ASXL3: variants seen among roughly 807,000 people sequenced by gnomAD.
ASXL3 encodes ASXL transcriptional regulator 3, also known as putative Polycomb group protein ASXL3.
Under a neutral mutation model 170.6 loss-of-function variants are expected in ASXL3, and 34 were observed. The observed-to-expected ratio is 0.20, with a 90% CI of 0.15 to 0.27. The LOEUF (loss-of-function observed/expected upper bound fraction) is 0.27. ASXL3 is among the 10% of genes least tolerant of loss of function. The probability of loss-of-function intolerance (pLI) is 1.00; values close to 1 mark genes in which losing one functional copy is unlikely to be tolerated. For synonymous variants in ASXL3, 1,002 were observed against 989.1 expected, an observed-to-expected ratio of 1.01 and a Z score of -0.24; for missense variants, 2,592 against 2,695.3, an observed-to-expected ratio of 0.96 and a Z score of 0.85.
chr18:33,642,634 T>C (rs1271924832), intron 2 of ASXL3, among the ~76,000 whole-genome samples: 2 of 151,978 alleles, frequency 1.3e-5, no homozygotes, highest in Admixed American at 6.6e-5. Flanking sequence ...TTACATATTT[T>C]TAAATTTTTC....
At chr18:33,652,977 T>A (rs891798342) in intron 4 of ASXL3, among the ~76,000 whole-genome samples, 34 of 152,026 alleles carry the variant, frequency 2.2e-4, no homozygotes, top group African/African-American at 8.2e-4. Context: ...TGGGGAGTAG[T>A]CACACTGACA....
chr18:33,668,942 AT>A (rs1382869258), intron 5 of ASXL3, among the ~76,000 whole-genome samples: 22 of 151,248 alleles, frequency 1.5e-4, no homozygotes, highest in African/African-American at 5.1e-4. Context: ...AAAATGTCTA[AT>A]TTTTTTTTCC....
rs973920534 is a variant in ASXL3 at position 33,751,053 on chromosome 18, A to G, written c.*4458A>G. 6.6e-6 allele frequency: 1 copy of G among 152,184 alleles called. No individual in the cohort carries two copies. Among genetic ancestry groups the G allele is most frequent in the Non-Finnish European group, 1.5e-5 (1 of 68,020 alleles). The allele number at this position is 152,184 out of a possible 1,614,324, so 9.4% of individuals were successfully genotyped here. On this transcript the variant is annotated 3_prime_UTR_variant, in exon 12 of 12. Coordinates refer to ENST00000269197, the MANE Select transcript of ASXL3 (RefSeq NM_030632.3). Reference sequence around the variant, plus strand: ...ACAAAGAAAACAAGTGTTGCCTACAAAAGTGACTGCTCACAATACCATAAG... The same window carrying G: ...ACAAAGAAAACAAGTGTTGCCTACAGAAGTGACTGCTCACAATACCATAAG...
At chr18:33,609,894 A>G (rs547174548) in intron 2 of ASXL3, among the ~76,000 whole-genome samples, 7 of 152,054 alleles carry the variant, frequency 4.6e-5, no homozygotes, top group African/African-American at 1.2e-4. Context: ...TTGTGCTCCC[A>G]TTTGTTTTTT....
intron 1 of ASXL3, among the ~76,000 whole-genome samples, chr18:33,593,889 A>G (rs760125035): frequency 6.6e-6 from 1 of 152,186 alleles, no homozygotes; most frequent in Non-Finnish European, 1.5e-5. Flanking sequence ...AGGTCACAAA[A>G]CAAAATCTCC....
chr18:33,683,390 G>A lies in ASXL3; in HGVS notation c.716-15G>A. On this transcript the variant is annotated splice_polypyrimidine_tract_variant and intron_variant, in intron 7 of 11. Coordinates refer to ENST00000269197, the MANE Select transcript of ASXL3 (RefSeq NM_030632.3). Reference sequence around the variant, plus strand: ...TACCTGTAGTAAATTCATGCCTCTTGCTTGTTCATCACAGGGCACTTGAAA... The same window carrying A: ...TACCTGTAGTAAATTCATGCCTCTTACTTGTTCATCACAGGGCACTTGAAA... The A allele has an allele frequency of 6.2e-7, 1 of 1,604,726 alleles. No individual in the cohort carries two copies.
Position 33,744,792 on chromosome 18 carries a change from C to G in ASXL3, c.4944C>G (p.Asn1648Lys), listed in dbSNP as rs1260228468. Reference sequence around the variant, plus strand: ...AGGCTATCAAAACTGAACATGCCAACTACTTGAACGTGTCAGAACTTCATC... The same window carrying G: ...AGGCTATCAAAACTGAACATGCCAAGTACTTGAACGTGTCAGAACTTCATC... ...CPKAIKTEHA[N>K]YLNVSELHPR... Residue 1648 changes from asparagine to lysine, a missense_variant, in exon 12 of 12, where the codon AAC becomes AAG. Physicochemically the swap from Asn to Lys is moderately conservative, Grantham distance 94. Transcript: ENST00000269197. The G allele has an allele frequency of 6.2e-7, 1 of 1,614,056 alleles. No individual in the cohort carries two copies. Among genetic ancestry groups the G allele is most frequent in the Non-Finnish European group, 8.5e-7 (1 of 1,179,904 alleles).
At chr18:33,653,614 C>T (rs1184535229) in intron 4 of ASXL3, among the ~76,000 whole-genome samples, 1 of 152,010 alleles carries the variant, frequency 6.6e-6, no homozygotes, top group Non-Finnish European at 1.5e-5. Flanking sequence ...ATTCCAGCCC[C>T]CAGATTATAC....
intron 4 of ASXL3, among the ~76,000 whole-genome samples, chr18:33,653,024 G>A (rs1443056968): frequency 6.6e-6 from 1 of 152,042 alleles, no homozygotes; most frequent in African/African-American, 2.4e-5. Flanking sequence ...TACAAAAAAG[G>A]AAAATGAGGG....
At chr18:33,657,560 A>G (rs999274196) in intron 4 of ASXL3, among the ~76,000 whole-genome samples, 4 of 152,228 alleles carry the variant, frequency 2.6e-5, no homozygotes, top group Admixed American at 6.5e-5. Flanking sequence ...TACATTTTCT[A>G]GTTCCATAGT....
intron 9 of ASXL3, among the ~76,000 whole-genome samples, chr18:33,733,961 A>G (rs960969927): frequency 1.3e-5 from 2 of 151,950 alleles, no homozygotes; most frequent in Admixed American, 6.6e-5. Context: ...ATTATAGTCT[A>G]TTTCCAGCAG....
At chr18:33,686,080 A>T (rs148375324) in intron 8 of ASXL3, among the ~76,000 whole-genome samples, 146 of 152,358 alleles carry the variant, frequency 9.6e-4, no homozygotes, top group African/African-American at 3.4e-3. Context: ...ATTTTCTTCA[A>T]CCTCTAGCAG....
Position 33,578,296 on chromosome 18 carries a change from G to C in ASXL3, c.-336G>C, listed in dbSNP as rs1403672103. The C allele has an allele frequency of 6.8e-6, 1 of 147,050 alleles. No individual in the cohort carries two copies. Among genetic ancestry groups the C allele is most frequent in the East Asian group, 2.0e-4 (1 of 4,942 alleles). 9.1% of individuals were successfully genotyped at this position (147,050 alleles called of 1,614,324 possible). On this transcript the variant is annotated 5_prime_UTR_variant, in exon 1 of 12. Transcript: ENST00000269197. ...GCAGCGGCCGCGGCGGTGGCGCAGC[G>C]CGAGCCCCGCACGAGCGAGCCCGGC...
chr18:33,682,999 T>G (rs555175940), intron 7 of ASXL3, among the ~76,000 whole-genome samples: 24 of 152,326 alleles, frequency 1.6e-4, no homozygotes, highest in Admixed American at 1.5e-3. Context: ...CTATTAAAAT[T>G]AACAGTACTG....
chr18:33,679,219 A>T (rs760720905), intron 7 of ASXL3, among the ~76,000 whole-genome samples: 21 of 152,054 alleles, frequency 1.4e-4, no homozygotes, highest in Non-Finnish European at 1.2e-4. Flanking sequence ...CTATATATAT[A>T]TTTTAACATT....
chr18:33,740,595 A>C (rs564146640), intron 11 of ASXL3, among the ~76,000 whole-genome samples, 152 bp downstream of exon 11: 27 of 152,306 alleles, frequency 1.8e-4, no homozygotes, highest in African/African-American at 6.5e-4. Flanking sequence ...CCTCTTTATG[A>C]CTATGTACTG....
At chr18:33,611,913 T>C (rs2065341137) in intron 2 of ASXL3, among the ~76,000 whole-genome samples, 1 of 151,996 alleles carries the variant, frequency 6.6e-6, no homozygotes, top group African/African-American at 2.4e-5. Flanking sequence ...ATGCCATGTC[T>C]TACGTAATTT....
intron 4 of ASXL3, among the ~76,000 whole-genome samples, 151 bp downstream of exon 4, chr18:33,646,504 C>A (rs931877410): frequency 2.0e-5 from 3 of 151,996 alleles, no homozygotes; most frequent in African/African-American, 7.2e-5. Flanking sequence ...TGTTTTGATT[C>A]AAAAAGGATA....
chr18:33,595,180 T>C (rs1051286456), intron 1 of ASXL3, among the ~76,000 whole-genome samples: 1 of 152,188 alleles, frequency 6.6e-6, no homozygotes, highest in African/African-American at 2.4e-5. Context: ...TAAATAACTT[T>C]TACCGCTAGA....
Sources: allele counts gnomAD v4.1 joint callset (sites outside exome capture counted in the v4.1 genomes callset), GRCh38; gene constraint gnomAD v4.1.1; transcripts MANE v1.5; gene names NCBI Gene and HGNC (gene_info 2026-07-23, HGNC 2026-07-21).